Variants in CSTL1 observed in about 807,000 individuals in gnomAD.
The protein encoded by CSTL1 is cystatin like 1, also known as cystatin-like 1.
A neutral mutation model predicts 14.4 loss-of-function variants in CSTL1; 14 were observed. The ratio of observed to expected loss-of-function variants is 0.97; its 90% confidence interval spans 0.64 to 1.52. The LOEUF is 1.52. CSTL1 is among the 40% of genes most tolerant of loss of function. The pLI, the probability that CSTL1 is intolerant of heterozygous loss-of-function variation, is 0.00. For synonymous variants in CSTL1, 72 were observed against 67.5 expected, an observed-to-expected ratio of 1.07 and a Z score of -0.33; for missense variants, 170 against 168.7, an observed-to-expected ratio of 1.01 and a Z score of -0.04.
the CSTL1 span, among the ~76,000 whole-genome samples, chr20:23,454,413 C>T: frequency 2.6e-5 from 4 of 151,942 alleles, no homozygotes; most frequent in Non-Finnish European, 5.9e-5. Context: ...CACCCCCCCA[C>T]GCATACATAC....
downstream of CSTL1, among the ~76,000 whole-genome samples, chr20:23,448,203 T>A (rs766260344): frequency 6.6e-6 from 1 of 152,150 alleles, no homozygotes; most frequent in Non-Finnish European, 1.5e-5. Context: ...ATATTGACAC[T>A]CTATTCTTTT....
chr20:23,450,441 A>T, the CSTL1 span: 1 of 997,536 alleles, frequency 1.0e-6, no homozygotes, highest in Non-Finnish European at 1.5e-6. Context: ...TGCCTATATT[A>T]AGGATTATTG....
chr20:23,441,364 C>A (rs1203145801), intron 2 of CSTL1, among the ~76,000 whole-genome samples: 6 of 152,124 alleles, frequency 3.9e-5, no homozygotes, highest in African/African-American at 1.2e-4. Flanking sequence ...TGAAATATAT[C>A]AATTGAAGGA....
chr20:23,449,162 G>T (rs1359549278), downstream of CSTL1, among the ~76,000 whole-genome samples: 1 of 152,212 alleles, frequency 6.6e-6, no homozygotes, highest in East Asian at 1.9e-4. Context: ...TCCTGTTGGT[G>T]CTCTGCCTAT....
chr20:23,450,638 TA>T, the CSTL1 span: 2 of 1,445,162 alleles, frequency 1.4e-6, no homozygotes, highest in Non-Finnish European at 1.9e-6. Flanking sequence ...AGGTGAAATT[TA>T]AAAGGAGAAG....
At chr20:23,459,720 G>T in the CSTL1 span, among the ~76,000 whole-genome samples, 1 of 152,132 alleles carries the variant, frequency 6.6e-6, no homozygotes, top group South Asian at 2.1e-4. Context: ...GTATCTCCAG[G>T]GCCTGACACA....
chr20:23,443,799 A>G, intron 2 of CSTL1, 135 bp from the exon 3 acceptor site: 1 of 637,838 alleles, frequency 1.6e-6, no homozygotes, highest in Non-Finnish European at 2.8e-6. Flanking sequence ...GAAGGGAGCC[A>G]TGCTTTTGGT....
At chr20:23,445,239 T>C (rs191608908), downstream of CSTL1, among the ~76,000 whole-genome samples, 1,140 of 149,882 alleles carry the variant, frequency 7.6e-3, 20 homozygotes, top group African/African-American at 0.026. Context: ...TTCTTTTTTT[T>C]TTTTTTTTTT....
intron 2 of CSTL1, among the ~76,000 whole-genome samples, chr20:23,441,696 C>T (rs1220437526): frequency 6.6e-6 from 1 of 152,180 alleles, no homozygotes; most frequent in African/African-American, 2.4e-5. Flanking sequence ...AGTATACAGG[C>T]AACCATACAT....
At chr20:23,453,632 C>T in the CSTL1 span, among the ~76,000 whole-genome samples, 409 of 152,208 alleles carry the variant, frequency 2.7e-3, 3 homozygotes, top group African/African-American at 9.3e-3. Context: ...AGGCTTAGTG[C>T]GGTTATGTTC....
chr20:23,445,709 A>G (rs914313860), downstream of CSTL1, among the ~76,000 whole-genome samples: 1 of 152,170 alleles, frequency 6.6e-6, no homozygotes, highest in African/African-American at 2.4e-5. Flanking sequence ...CCCAGCACAC[A>G]CACAACACTG....
At chr20:23,453,787 G>A in the CSTL1 span, among the ~76,000 whole-genome samples, 1 of 152,126 alleles carries the variant, frequency 6.6e-6, no homozygotes, top group Non-Finnish European at 1.5e-5. Context: ...TCCAGGGGAT[G>A]CCAGGAACCA....
At chr20:23,458,273 G>A in the CSTL1 span, among the ~76,000 whole-genome samples, 1 of 152,188 alleles carries the variant, frequency 6.6e-6, no homozygotes, top group Non-Finnish European at 1.5e-5. Context: ...CAAAGTTCCT[G>A]CAGCCACAGG....
At chr20:23,456,581 T>C in the CSTL1 span, among the ~76,000 whole-genome samples, 1 of 152,208 alleles carries the variant, frequency 6.6e-6, no homozygotes, top group South Asian at 2.1e-4. Flanking sequence ...CCTCCATCGC[T>C]AGCAGCCCCT....
At chr20:23,445,936 C>T (rs1986957042), downstream of CSTL1, among the ~76,000 whole-genome samples, 1 of 152,082 alleles carries the variant, frequency 6.6e-6, no homozygotes, top group South Asian at 2.1e-4. Flanking sequence ...TCTCTCGGTG[C>T]CGTCACACAG....
downstream of CSTL1, among the ~76,000 whole-genome samples, chr20:23,446,725 G>C (rs1474487314): frequency 6.6e-6 from 1 of 152,160 alleles, no homozygotes; most frequent in Non-Finnish European, 1.5e-5. Flanking sequence ...GACCAGAAAT[G>C]GTCTAATAGC....
the CSTL1 span, chr20:23,459,388 C>T: frequency 6.6e-6 from 1 of 152,152 alleles, no homozygotes; most frequent in Admixed American, 6.5e-5. Flanking sequence ...AAATAGTTCT[C>T]ATTCATGCTA....
the CSTL1 span, among the ~76,000 whole-genome samples, chr20:23,453,014 G>A: frequency 6.6e-6 from 1 of 152,114 alleles, no homozygotes; most frequent in Non-Finnish European, 1.5e-5. Flanking sequence ...TTTTGCATAA[G>A]TTCATGCCAC....
the CSTL1 span, among the ~76,000 whole-genome samples, chr20:23,456,167 C>G: frequency 6.6e-6 from 1 of 152,248 alleles, no homozygotes; most frequent in African/African-American, 2.4e-5. Context: ...TTTGTCCTCA[C>G]TTCCTACTGT....
Sources: gnomAD v4.1 joint callset for allele counts (sites outside exome capture counted in the v4.1 genomes callset) on GRCh38, gnomAD v4.1.1 for gene constraint, MANE v1.5 for transcripts, NCBI Gene and HGNC (gene_info 2026-07-23, HGNC 2026-07-21) for gene names.